AGAP3: variants seen among roughly 807,000 people sequenced by gnomAD.
AGAP3 encodes ArfGAP with GTPase domain, ankyrin repeat and PH domain 3.
Under a neutral mutation model 96.9 loss-of-function variants are expected in AGAP3, and 24 were observed. The observed-to-expected ratio is 0.25, with a 90% confidence interval of 0.18 to 0.35. The LOEUF is 0.35. Among genes scored for constraint, AGAP3 ranks in the 10% least tolerant of loss-of-function variants. AGAP3 has a pLI of 1.00. For missense variants in AGAP3, 876 were observed against 1,254.2 expected, an observed-to-expected ratio of 0.70 and a Z score of 4.55; for synonymous variants, 563 against 536.1, an observed-to-expected ratio of 1.05 and a Z score of -0.69.
chr7:151,114,470 G>C lies in AGAP3; in HGVS notation c.332-2323G>C, dbSNP rs1321999156. Among the ~76,000 whole-genome samples the C allele has an allele frequency of 1.3e-5, 2 of 152,230 alleles. No individual in the cohort carries two copies. The highest frequency in any genetic ancestry group is 2.9e-5 in the Non-Finnish European group (2 of 68,036). On this transcript the variant is annotated intron_variant, in intron 1 of 17. Coordinates refer to ENST00000397238, the MANE Select transcript of AGAP3 (RefSeq NM_031946.7). The surrounding 1 kb of genome is among the most constrained non-coding windows in gnomAD (Gnocchi z 4.4). ...TGCCGGATCCTAGGAGGCGCCCTGG[G>C]CTGGAATTTCCTGTTTTCGAGGGCT...
intron 8 of AGAP3, 113 bp from the exon 9 acceptor site, chr7:151,123,681 C>T: frequency 6.4e-7 from 1 of 1,568,082 alleles, no homozygotes; most frequent in Non-Finnish European, 8.6e-7. Flanking sequence ...CGGCCCGACC[C>T]ACTGCTAGGG....
intron 3 of AGAP3, 48 bp from the exon 4 acceptor site, chr7:151,117,323 C>T: frequency 6.2e-7 from 1 of 1,611,766 alleles, no homozygotes; most frequent in Non-Finnish European, 8.5e-7. Flanking sequence ...TTCTTGGCCC[C>T]TGGATTCTTT....
chr7:151,096,764 G>A lies in AGAP3; in HGVS notation c.331+9692G>A, dbSNP rs1327351805. 6.6e-6 allele frequency among the ~76,000 whole-genome samples: 1 copy of A among 151,578 alleles called. No individual in the cohort carries two copies. Among genetic ancestry groups the A allele is most frequent in the East Asian group, 1.9e-4 (1 of 5,140 alleles). ...TGGGATTACAGGCATGAGCCACTGC[G>A]CCTGGCCTAAATTTTCTTTTCTTTT... On this transcript the variant is annotated intron_variant, in intron 1 of 17. Coordinates refer to ENST00000397238, the MANE Select transcript of AGAP3 (RefSeq NM_031946.7). The surrounding 1 kb of genome is among the most constrained non-coding windows in gnomAD (Gnocchi z 4.4).
In AGAP3 at chr7:151,139,923, C is replaced by CCCTCCCCTCCTCTG; in HGVS notation, c.1667-49_1667-36dup. On this transcript the variant is annotated intron_variant, in intron 12 of 17. Coordinates refer to ENST00000397238, the MANE Select transcript of AGAP3 (RefSeq NM_031946.7). This position sits in a 1 kb window ranked among gnomAD's most constrained non-coding sequence, Gnocchi z 4.9. ...CTCTCCTCCTCCCAGTGCCCTGCGC[C>CCCTCCCCTCCTCTG]CCTCCCCTCCTCTGCCTCCCTTCTT... 4 of 1,430,406 alleles carry CCCTCCCCTCCTCTG rather than the reference C, an allele frequency of 2.8e-6. No individual in the cohort carries two copies. The highest frequency in any genetic ancestry group is 3.7e-6 in the Non-Finnish European group (4 of 1,084,840). The allele number at this position is 1,430,406 out of a possible 1,614,324, so 88.6% of individuals were successfully genotyped here.
intron 9 of AGAP3, among the ~76,000 whole-genome samples, chr7:151,126,096 C>T (rs1314089695): frequency 6.9e-6 from 1 of 144,744 alleles, no homozygotes. Context: ...GTCGTTCCGC[C>T]CGCGCCCCCG....
At chr7:151,115,057 T>C (rs1394825512) in intron 1 of AGAP3, 15 of 1,009,042 alleles carry the variant, frequency 1.5e-5, no homozygotes, top group Non-Finnish European at 1.7e-5. Flanking sequence ...GGACCGCCCG[T>C]CTCGCCTGCG....
rs1353803471 is a variant in AGAP3, at chr7:151,114,784, G to T, written c.332-2009G>T. The T allele has an allele frequency of 9.7e-7, 1 of 1,034,246 alleles. No individual in the cohort carries two copies. The highest frequency in any genetic ancestry group is 4.0e-5 in the South Asian group (1 of 24,920). The allele number at this position is 1,034,246 out of a possible 1,614,324, so 64.1% of individuals were successfully genotyped here. A position where few individuals can be genotyped will look rare whatever the true frequency, so the allele number is the denominator to read the frequency against. On this transcript the variant is annotated intron_variant, in intron 1 of 17. Coordinates refer to ENST00000397238, the MANE Select transcript of AGAP3 (RefSeq NM_031946.7). The surrounding 1 kb of genome is among the most constrained non-coding windows in gnomAD (Gnocchi z 4.4). ...CCGGCCCTGAGCATGGAGCGGGGCT[G>T]GCCGCAGGGGGACAGCTGTCCCGGG...
chr7:151,087,487 C>T (rs1798208703), intron 1 of AGAP3, among the ~76,000 whole-genome samples: 1 of 152,158 alleles, frequency 6.6e-6, no homozygotes, highest in Non-Finnish European at 1.5e-5. Flanking sequence ...TAGTGGATGG[C>T]AGCCTTCCCG....
At chr7:151,104,808 G>T (rs1315866455) in intron 1 of AGAP3, among the ~76,000 whole-genome samples, 2 of 152,226 alleles carry the variant, frequency 1.3e-5, no homozygotes, top group East Asian at 3.8e-4. Context: ...CCTTGCTTGT[G>T]GTAGCTAAAA....
intron 8 of AGAP3, chr7:151,122,933 C>T (rs1718866478): frequency 2.3e-5 from 34 of 1,454,690 alleles, no homozygotes; most frequent in Non-Finnish European, 3.0e-5. Flanking sequence ...TAACTAACCC[C>T]ACCCCCAGGG....
At chr7:151,103,843 T>C (rs1215653601) in intron 1 of AGAP3, among the ~76,000 whole-genome samples, 2 of 152,244 alleles carry the variant, frequency 1.3e-5, no homozygotes, top group Non-Finnish European at 1.5e-5. Flanking sequence ...CCCATTTTCC[T>C]GTAGAAGGCC....
rs774748755 is a variant in AGAP3, at chr7:151,120,005, A to G, written c.988A>G (p.Ser330Gly). 1.2e-6 allele frequency: 2 copies of G among 1,613,286 alleles called. No individual in the cohort carries two copies. Among genetic ancestry groups the G allele is most frequent in the South Asian group, 1.1e-5 (1 of 91,086 alleles). The stretch of plus-strand genomic sequence containing the variant: ...TCCTTAGGCCACGAATGGCGGCGGC[A>G]GCGCCTTCAGCGACTACTCGTCCTC... Reference protein sequence around the residue: ...HINQATNGGGSAFSDYSSSVP... With the variant: ...HINQATNGGGGAFSDYSSSVP... The change falls in exon 8 of 18, where the codon AGC becomes GGC. Residue 330 changes from serine to glycine, a missense_variant. Physicochemically the swap from Ser to Gly is moderately conservative, Grantham distance 56 (BLOSUM62 0). This residue lies in a region of AGAP3 where 100 missense variants were observed against 129.4 expected (regional missense o/e 0.77). Transcript: ENST00000397238.
At chr7:151,106,519 C>T (rs974242233) in intron 1 of AGAP3, among the ~76,000 whole-genome samples, 6 of 151,896 alleles carry the variant, frequency 4.0e-5, no homozygotes, top group Non-Finnish European at 8.8e-5. Context: ...GCACTGTCAC[C>T]CAGGCTGGAG....
intron 8 of AGAP3, 23 bp downstream of exon 8, chr7:151,120,168 C>A (rs373341812): frequency 7.0e-6 from 11 of 1,570,578 alleles, no homozygotes; most frequent in Non-Finnish European, 9.5e-6. Context: ...CCTCCTCCCC[C>A]GCCCAGCTGC....
At chr7:151,134,656 C>A in intron 11 of AGAP3, 88 bp downstream of exon 11, 1 of 1,358,080 alleles carries the variant, frequency 7.4e-7, no homozygotes. Flanking sequence ...GCTTCTCAGC[C>A]TGGGCACAGG....
At position 151,106,719 on chromosome 7, in the gene AGAP3, C is replaced by T. The variant is rs148589853; in HGVS notation, c.332-10074C>T. ...CTCGAACTCCTGACCTCAGGTGATT[C>T]GCCCGCCTCAGGCTCAGGATTTGAA... On this transcript the variant is annotated intron_variant, in intron 1 of 17. Coordinates refer to ENST00000397238, the MANE Select transcript of AGAP3 (RefSeq NM_031946.7). Among the ~76,000 whole-genome samples, 1,397 of 152,030 alleles carry T rather than the reference C, an allele frequency of 9.2e-3. 14 individuals are homozygous for T. Among genetic ancestry groups the T allele is most frequent in the South Asian group, 0.053 (255 of 4,806 alleles).
In AGAP3 at chr7:151,123,803, G is replaced by C; in HGVS notation, c.1138G>C (p.Gly380Arg). ...TTGTTTTCTCTTCCAGTCTCGGAAG[G>C]GTGCTGACCTGGACCGGGAGAAGAA... ...RRSNIFTSRKGADLDREKKAA... is the reference protein window; with the variant it reads ...RRSNIFTSRKRADLDREKKAA... Residue 380 changes from glycine (G) to arginine (R), a missense_variant, in exon 9 of 18, where the codon GGT becomes CGT. Transcript: ENST00000397238. 2 of 1,613,186 alleles carry C rather than the reference G, an allele frequency of 1.2e-6. No homozygotes were observed. Among genetic ancestry groups the C allele is most frequent in the Non-Finnish European group, 1.7e-6 (2 of 1,179,944 alleles).
At chr7:151,111,832 A>G (rs1799300982) in intron 1 of AGAP3, among the ~76,000 whole-genome samples, 2 of 152,162 alleles carry the variant, frequency 1.3e-5, no homozygotes, top group South Asian at 2.1e-4. Flanking sequence ...TCAGCCCCTG[A>G]GAGTCACATT....
chr7:151,091,472 G>C (rs1314911144), intron 1 of AGAP3, among the ~76,000 whole-genome samples: 2 of 152,220 alleles, frequency 1.3e-5, no homozygotes, highest in African/African-American at 4.8e-5. Context: ...ATCTAGCACA[G>C]TGAAAAGCAG....
Sources: allele counts gnomAD v4.1 joint callset (sites outside exome capture counted in the v4.1 genomes callset), GRCh38; gene constraint gnomAD v4.1.1; regional missense constraint gnomAD v4.1.1; non-coding constraint Gnocchi (gnomAD v3.1); transcripts MANE v1.5; gene names NCBI Gene and HGNC (gene_info 2026-07-23, HGNC 2026-07-21).